CLASP2: variants seen among roughly 807,000 people sequenced by gnomAD.
CLASP2 encodes the protein CLIP-associating protein 2.
CLASP2 carries 47 observed loss-of-function variants against 194.4 expected under a neutral mutation model. The observed-to-expected ratio is 0.24, with a 90% CI of 0.19 to 0.31. The LOEUF is 0.31. Among genes scored for constraint, CLASP2 ranks in the 10% least tolerant of loss-of-function variants. The probability of loss-of-function intolerance (pLI) is 1.00; values close to 1 mark genes in which losing one functional copy is unlikely to be tolerated. For synonymous variants in CLASP2, 619 were observed against 633.5 expected (o/e 0.98, Z 0.34); for missense variants, 1,445 against 1,823.6 (o/e 0.79, Z 3.78).
chr3:33,672,471 T>C (rs944819573), intron 6 of CLASP2, among the ~76,000 whole-genome samples: 2 of 151,904 alleles, frequency 1.3e-5, no homozygotes, highest in Admixed American at 6.5e-5. Flanking sequence ...AGACCAAAAG[T>C]AGATAAAACC....
intron 6 of CLASP2, among the ~76,000 whole-genome samples, chr3:33,678,715 T>C (rs190042175): frequency 1.3e-5 from 2 of 152,232 alleles, no homozygotes; most frequent in African/African-American, 4.8e-5. Flanking sequence ...TCTAACGAAA[T>C]AAGTGTAAGA....
chr3:33,697,791 A>G (rs1434141155), intron 1 of CLASP2, among the ~76,000 whole-genome samples: 5 of 152,210 alleles, frequency 3.3e-5, no homozygotes, highest in Non-Finnish European at 5.9e-5. Flanking sequence ...GCTGGAGAAT[A>G]ACCAACTAAC....
At chr3:33,621,275 C>T (rs1451367660) in intron 11 of CLASP2, among the ~76,000 whole-genome samples, 1 of 152,124 alleles carries the variant, frequency 6.6e-6, no homozygotes, top group African/African-American at 2.4e-5. Context: ...AGATGTTTTA[C>T]ATATATTGTC....
chr3:33,509,921 T>C (rs2154087065), intron 37 of CLASP2, among the ~76,000 whole-genome samples: 2 of 152,312 alleles, frequency 1.3e-5, no homozygotes, highest in East Asian at 3.9e-4. Flanking sequence ...GATGTATATA[T>C]ATAAGTGCAT....
intron 12 of CLASP2, 61 bp downstream of exon 12, chr3:33,619,542 A>T: frequency 2.1e-6 from 3 of 1,433,788 alleles, no homozygotes; most frequent in Non-Finnish European, 2.8e-6. Context: ...AAAAAGGGGG[A>T]GGAAGAAGAA....
At chr3:33,566,912 A>G (rs1291081570) in intron 26 of CLASP2, among the ~76,000 whole-genome samples, 178 bp from the exon 27 acceptor site, 2 of 152,274 alleles carry the variant, frequency 1.3e-5, no homozygotes, top group East Asian at 3.8e-4. Flanking sequence ...TTTTTAAAAC[A>G]AGACTTAAAT....
chr3:33,548,759 ATTTCTTTTTTTTTTTTTTTTT>A (rs2059548493), intron 30 of CLASP2, among the ~76,000 whole-genome samples: 1 of 111,512 alleles, frequency 9.0e-6, no homozygotes, highest in Non-Finnish European at 1.9e-5. Context: ...CTACGGTTTC[ATTTCTTTTTTTTTTTTTTTTT>A]TTTTTTGAGT....
At chr3:33,656,145 C>T (rs1559547489) in intron 7 of CLASP2, among the ~76,000 whole-genome samples, 2 of 152,138 alleles carry the variant, frequency 1.3e-5, no homozygotes, top group African/African-American at 4.8e-5. Flanking sequence ...CAAACCCACC[C>T]TCAATTCATA....
chr3:33,592,528 C>T lies in CLASP2; in HGVS notation c.1967-32G>A, dbSNP rs1313651886. 8 of 1,502,330 alleles carry T rather than the reference C, an allele frequency of 5.3e-6. No homozygotes were observed. The East Asian group carries it at 1.2e-4, about 23-fold the overall frequency. 93.1% of individuals were successfully genotyped at this position (1,502,330 alleles called of 1,614,324 possible). A position where few individuals can be genotyped will look rare whatever the true frequency, so the allele number is the denominator to read the frequency against. On this transcript the variant is annotated intron_variant, in intron 20 of 38. Transcript: ENST00000682230. ...AATAAAATATTTACATAATTAAAAA[C>T]ATTTTTCTATAATAATGTTTAATAA... is the stretch of plus-strand genomic sequence containing the variant.
chr3:33,697,965 G>C (rs889792279), intron 1 of CLASP2, among the ~76,000 whole-genome samples: 15 of 152,166 alleles, frequency 9.9e-5, no homozygotes, highest in Non-Finnish European at 1.3e-4. Flanking sequence ...ACTAGCCACA[G>C]ACACAAGGAG....
rs145188128 is a variant in CLASP2, at chr3:33,556,439, C to CTT, written c.3009+2866_3009+2867dup. Among the ~76,000 whole-genome samples the CTT allele has an allele frequency of 8.4e-5, 12 of 143,390 alleles. 1 individual carries two copies. The highest frequency in any genetic ancestry group is 2.0e-4 in the African/African-American group (8 of 39,158). The allele number at this position is 143,390 out of a possible 152,430, so 94.1% of individuals were successfully genotyped here. On this transcript the variant is annotated intron_variant, in intron 29 of 38. Transcript: ENST00000682230. ...AGTTGAAAAGTGATTTTCTTTCTTT[C>CTT]TTTTTTTTTTTTTTGAGACGGAGTC...
chr3:33,612,174 C>G (rs1305329875), intron 12 of CLASP2, 103 bp from the exon 13 acceptor site: 1 of 678,056 alleles, frequency 1.5e-6, no homozygotes, highest in Non-Finnish European at 2.5e-6. Flanking sequence ...TACAAGAGGA[C>G]AAAAAGACCA....
chr3:33,545,621 A>G (rs1166303029), intron 30 of CLASP2, among the ~76,000 whole-genome samples: 3 of 152,214 alleles, frequency 2.0e-5, no homozygotes, highest in Non-Finnish European at 2.9e-5. Context: ...AAGAAAAACT[A>G]TAAGACTGCT....
intron 7 of CLASP2, among the ~76,000 whole-genome samples, chr3:33,663,197 C>CAAAAAAA (rs60671856): frequency 6.9e-5 from 7 of 100,764 alleles, no homozygotes; most frequent in Non-Finnish European, 8.1e-5. Flanking sequence ...GCAGTATCAC[C>CAAAAAAA]AAAAAAAAAA....
intron 1 of CLASP2, among the ~76,000 whole-genome samples, chr3:33,698,019 GCT>G (rs1288646382): frequency 6.6e-6 from 1 of 152,040 alleles, no homozygotes; most frequent in African/African-American, 2.4e-5. Context: ...CTACTTGCAA[GCT>G]CTTTCTCCAC....
intron 12 of CLASP2, among the ~76,000 whole-genome samples, chr3:33,616,962 C>T (rs2076294230): frequency 6.6e-6 from 1 of 150,824 alleles, no homozygotes; most frequent in South Asian, 2.1e-4. Flanking sequence ...CTGGTCTTGA[C>T]TCCTGTGATC....
intron 1 of CLASP2, among the ~76,000 whole-genome samples, chr3:33,705,545 A>G (rs2092635896): frequency 2.0e-5 from 3 of 152,216 alleles, no homozygotes. Flanking sequence ...ATTATACAGA[A>G]TGAGATATCA....
chr3:33,515,883 C>T (rs2051179508), intron 36 of CLASP2, 140 bp downstream of exon 36: 2 of 711,304 alleles, frequency 2.8e-6, no homozygotes, highest in Non-Finnish European at 4.2e-6. Context: ...AAAAAATATG[C>T]TTGCATCTCG....
At chr3:33,662,802 ATATT>A (rs1183953108) in intron 7 of CLASP2, among the ~76,000 whole-genome samples, 1 of 152,168 alleles carries the variant, frequency 6.6e-6, no homozygotes, top group Non-Finnish European at 1.5e-5. Context: ...TGGCTAATTA[ATATT>A]TAAAGTCTCA....
Sources: allele counts gnomAD v4.1 joint callset (sites outside exome capture counted in the v4.1 genomes callset), GRCh38; gene constraint gnomAD v4.1.1; transcripts MANE v1.5; gene names NCBI Gene and HGNC (gene_info 2026-07-23, HGNC 2026-07-21).